Variants in FSTL4 observed in about 807,000 individuals in gnomAD.
FSTL4 encodes the protein follistatin-related protein 4.
FSTL4 carries 28 observed loss-of-function variants against 78.2 expected under a neutral mutation model. The observed-to-expected ratio is 0.36, with a 90% CI of 0.27 to 0.49. FSTL4 has a LOEUF of 0.49. Ranked by LOEUF, FSTL4 falls within the 20% of genes least tolerant of loss-of-function variation. FSTL4 has a pLI of 0.98. For synonymous variants in FSTL4, 422 were observed against 440.5 expected (o/e 0.96, Z 0.53); for missense variants, 922 against 1,084.9 (o/e 0.85, Z 2.11).
At chr5:133,417,000 G>GA (rs891096880) in intron 3 of FSTL4, among the ~76,000 whole-genome samples, 1 of 152,142 alleles carries the variant, frequency 6.6e-6, no homozygotes, top group African/African-American at 2.4e-5. Context: ...GAACATACTT[G>GA]AAAAAATAGG....
At chr5:133,239,226 C>T (rs1436982379) in intron 7 of FSTL4, among the ~76,000 whole-genome samples, 1 of 140,910 alleles carries the variant, frequency 7.1e-6, no homozygotes, top group East Asian at 2.5e-4. Flanking sequence ...GAGCCTCCCC[C>T]ACCCCCACCC....
chr5:133,442,496 T>A (rs1487819434), intron 3 of FSTL4, among the ~76,000 whole-genome samples: 3 of 152,218 alleles, frequency 2.0e-5, no homozygotes, highest in Non-Finnish European at 4.4e-5. Flanking sequence ...TATCTACTAT[T>A]CATCAAGGTT....
chr5:133,536,682 C>T (rs1472295693), intron 3 of FSTL4, among the ~76,000 whole-genome samples: 1 of 151,912 alleles, frequency 6.6e-6, no homozygotes, highest in Non-Finnish European at 1.5e-5. Flanking sequence ...TTTGTCATTG[C>T]TTCTTTTTGC....
At chr5:133,450,308 G>A (rs1378818476) in intron 3 of FSTL4, among the ~76,000 whole-genome samples, 1 of 152,224 alleles carries the variant, frequency 6.6e-6, no homozygotes, top group East Asian at 1.9e-4. Flanking sequence ...AGAAGGCAGA[G>A]GAGGTCACCT....
intron 4 of FSTL4, among the ~76,000 whole-genome samples, chr5:133,378,881 A>G (rs1361461711): frequency 6.6e-6 from 1 of 152,150 alleles, no homozygotes; most frequent in Middle Eastern, 3.2e-3. Context: ...TGAGACATAT[A>G]AGAAGCAAAG....
Position 133,440,405 on chromosome 5 carries a change from A to G in FSTL4, c.161-39419T>C, listed in dbSNP as rs981517421. ...CTGTCAGCTTCTGCTCCACAGGCCCATGGGGAGCTCTCAGCAGCCAGCCTA... is the reference window on the plus strand; with the variant it reads ...CTGTCAGCTTCTGCTCCACAGGCCCGTGGGGAGCTCTCAGCAGCCAGCCTA... On this transcript the variant is annotated intron_variant, in intron 3 of 15. Transcript: ENST00000265342. This position sits in a 1 kb window ranked among gnomAD's most constrained non-coding sequence, Gnocchi z 4.1. Among the ~76,000 whole-genome samples the G allele has an allele frequency of 1.3e-5, 2 of 152,162 alleles. No individual in the cohort carries two copies. Among genetic ancestry groups the G allele is most frequent in the African/African-American group, 4.8e-5 (2 of 41,442 alleles).
At chr5:133,233,644 T>C (rs1751567585) in intron 7 of FSTL4, 107 bp from the exon 8 acceptor site, 3 of 1,388,932 alleles carry the variant, frequency 2.2e-6, no homozygotes, top group Non-Finnish European at 3.0e-6. Flanking sequence ...AGAGAGTTCC[T>C]TTCTGCCTGG....
intron 6 of FSTL4, among the ~76,000 whole-genome samples, chr5:133,287,280 C>T (rs1294534776): frequency 1.3e-5 from 2 of 150,670 alleles, no homozygotes; most frequent in South Asian, 2.1e-4. Flanking sequence ...CCCAGCTACT[C>T]GGGAGGCTGA....
the FSTL4 span, among the ~76,000 whole-genome samples, chr5:133,673,120 A>G: frequency 1.3e-5 from 2 of 152,240 alleles, no homozygotes; most frequent in Non-Finnish European, 2.9e-5. Flanking sequence ...TCCAAAGGAC[A>G]CAAATCAGAT....
chr5:133,523,238 T>A (rs994560384), intron 3 of FSTL4, among the ~76,000 whole-genome samples: 1 of 151,994 alleles, frequency 6.6e-6, no homozygotes, highest in African/African-American at 2.4e-5. Flanking sequence ...GCCTCACCAA[T>A]CCTCCCAGTA....
chr5:133,433,329 C>T (rs557545621), intron 3 of FSTL4, among the ~76,000 whole-genome samples: 74 of 152,298 alleles, frequency 4.9e-4, no homozygotes, highest in African/African-American at 1.7e-3. Flanking sequence ...GTGGGTTAGA[C>T]GGGGGAAGGA....
At chr5:133,364,803 T>G (rs1755147239) in intron 4 of FSTL4, among the ~76,000 whole-genome samples, 1 of 152,224 alleles carries the variant, frequency 6.6e-6, no homozygotes, top group Non-Finnish European at 1.5e-5. Context: ...CCGAAATCTT[T>G]GTGCCCGTGG....
intron 7 of FSTL4, chr5:133,247,118 C>G (rs1752061295): frequency 6.6e-6 from 1 of 152,198 alleles, no homozygotes; most frequent in Non-Finnish European, 1.5e-5. Flanking sequence ...CGGGCTTGGA[C>G]CCCTGCGGGG....
intron 3 of FSTL4, among the ~76,000 whole-genome samples, chr5:133,551,296 A>T (rs1759686496): frequency 6.6e-6 from 1 of 152,232 alleles, no homozygotes; most frequent in Non-Finnish European, 1.5e-5. Context: ...TGACTAATAA[A>T]GAAATAATGG....
intron 8 of FSTL4, among the ~76,000 whole-genome samples, chr5:133,229,496 C>T (rs762174782): frequency 2.0e-5 from 3 of 151,934 alleles, no homozygotes; most frequent in African/African-American, 4.8e-5. Flanking sequence ...GCACTCCAAC[C>T]TGGGCAACTG....
At chr5:133,484,424 T>C (rs374602781) in intron 3 of FSTL4, among the ~76,000 whole-genome samples, 8 of 152,354 alleles carry the variant, frequency 5.3e-5, no homozygotes, top group Middle Eastern at 3.4e-3. Context: ...TTTTCTTCAG[T>C]AGCCCAGGAG....
intron 12 of FSTL4, among the ~76,000 whole-genome samples, chr5:133,219,200 C>T (rs1156815627): frequency 6.6e-6 from 1 of 152,184 alleles, no homozygotes; most frequent in African/African-American, 2.4e-5. Flanking sequence ...CCAACACTCA[C>T]ATGCTAATGG....
intron 4 of FSTL4, among the ~76,000 whole-genome samples, chr5:133,375,388 T>G (rs185514099): frequency 1.3e-5 from 2 of 150,062 alleles, no homozygotes; most frequent in East Asian, 3.9e-4. Flanking sequence ...TTTTCTCTTT[T>G]GTGCTTTTCT....
At chr5:133,640,707 T>C in the FSTL4 span, among the ~76,000 whole-genome samples, 1 of 152,164 alleles carries the variant, frequency 6.6e-6, no homozygotes, top group Non-Finnish European at 1.5e-5. Flanking sequence ...GGATAACAGA[T>C]GATGAGTTCA....
Sources: gnomAD v4.1 joint callset for allele counts (sites outside exome capture counted in the v4.1 genomes callset) on GRCh38, gnomAD v4.1.1 for gene constraint, Gnocchi (gnomAD v3.1) non-coding constraint, MANE v1.5 for transcripts, NCBI Gene and HGNC (gene_info 2026-07-23, HGNC 2026-07-21) for gene names.